Variants in ADAMTSL1 observed in about 807,000 individuals in gnomAD.
ADAMTSL1 encodes ADAMTS-like protein 1.
ADAMTSL1 carries 126 observed loss-of-function variants against 201.8 expected under a neutral mutation model. The observed-to-expected ratio is 0.62, with a 90% confidence interval of 0.54 to 0.72. ADAMTSL1 has a LOEUF of 0.72. Among genes scored for constraint, ADAMTSL1 ranks in the 30% least tolerant of loss-of-function variants. The probability of loss-of-function intolerance (pLI) is 0.00; values close to 1 mark genes in which losing one functional copy is unlikely to be tolerated. For synonymous variants in ADAMTSL1, 1,121 were observed against 903.4 expected (o/e 1.24, Z -4.32); for missense variants, 2,679 against 2,277.8 (o/e 1.18, Z -3.59).
intron 2 of ADAMTSL1, among the ~76,000 whole-genome samples, chr9:18,457,618 G>T (rs561310744): frequency 2.4e-4 from 36 of 152,294 alleles, no homozygotes; most frequent in South Asian, 8.3e-4. Flanking sequence ...ATAGGCATAA[G>T]CCTCTGCACC....
At chr9:18,210,083 C>T (rs1368329007) in intron 2 of ADAMTSL1, among the ~76,000 whole-genome samples, 2 of 151,938 alleles carry the variant, frequency 1.3e-5, no homozygotes, top group Admixed American at 6.6e-5. Flanking sequence ...GTTTCTGATG[C>T]CTTCCTTTTC....
intron 2 of ADAMTSL1, among the ~76,000 whole-genome samples, chr9:18,258,065 A>T (rs1831761314): frequency 6.6e-6 from 1 of 152,236 alleles, no homozygotes; most frequent in Non-Finnish European, 1.5e-5. Flanking sequence ...AACAATGTGA[A>T]TGAACGTACG....
intron 4 of ADAMTSL1, among the ~76,000 whole-genome samples, chr9:18,619,442 T>C (rs1587720306): frequency 1.3e-5 from 2 of 152,118 alleles, no homozygotes; most frequent in East Asian, 3.9e-4. Context: ...CAGGGAGATG[T>C]TAGTCTTTTA....
At chr9:18,897,033 C>G (rs1829684332) in intron 26 of ADAMTSL1, among the ~76,000 whole-genome samples, 1 of 152,208 alleles carries the variant, frequency 6.6e-6, no homozygotes, top group African/African-American at 2.4e-5. Context: ...CTTAGGTCAA[C>G]CCAGCTGTTC....
chr9:18,328,860 G>T (rs1480278807), intron 2 of ADAMTSL1, among the ~76,000 whole-genome samples: 1 of 152,136 alleles, frequency 6.6e-6, no homozygotes, highest in African/African-American at 2.4e-5. Context: ...AGAAATGACA[G>T]GATGTCCCCA....
chr9:18,000,265 T>C (rs1487955917), intron 1 of ADAMTSL1, among the ~76,000 whole-genome samples: 1 of 150,430 alleles, frequency 6.6e-6, no homozygotes, highest in Non-Finnish European at 1.5e-5. Context: ...CTCCAGCACC[T>C]GTTGTTTCCT....
At chr9:17,926,254 T>G (rs1447012823) in intron 1 of ADAMTSL1, among the ~76,000 whole-genome samples, 1 of 152,204 alleles carries the variant, frequency 6.6e-6, no homozygotes, top group Admixed American at 6.5e-5. Flanking sequence ...GCTTATTTAT[T>G]GGTATAAGAT....
intron 4 of ADAMTSL1, among the ~76,000 whole-genome samples, chr9:18,606,267 T>C (rs1323369894): frequency 6.6e-6 from 1 of 152,190 alleles, no homozygotes; most frequent in Non-Finnish European, 1.5e-5. Flanking sequence ...AAGGGGGTTG[T>C]TTTCATATTA....
At chr9:18,506,920 T>C (rs1184723924) in intron 2 of ADAMTSL1, among the ~76,000 whole-genome samples, 1 of 152,160 alleles carries the variant, frequency 6.6e-6, no homozygotes, top group Non-Finnish European at 1.5e-5. Flanking sequence ...AAAGAAATAT[T>C]AGTTTCTTAA....
chr9:18,590,533 C>T (rs1823840234), intron 4 of ADAMTSL1, among the ~76,000 whole-genome samples: 2 of 151,892 alleles, frequency 1.3e-5, no homozygotes, highest in Admixed American at 1.3e-4. Context: ...CTCACATCTT[C>T]AGTATTTATT....
rs144800914 is a variant in ADAMTSL1, at chr9:18,732,188, C to A, written c.2006+10523C>A. ...TATGCAGGAAACCATATGATATAGACCTTCATAATAATTTTATACTCACCG... is the reference window on the plus strand; with the variant it reads ...TATGCAGGAAACCATATGATATAGAACTTCATAATAATTTTATACTCACCG... On this transcript the variant is annotated intron_variant, in intron 15 of 28. Transcript: ENST00000380548. Among the ~76,000 whole-genome samples the A allele has an allele frequency of 2.4e-4, 36 of 152,310 alleles. 1 individual carries two copies. In the East Asian group the frequency reaches 2.7e-3, roughly 11 times the overall value.
At chr9:18,726,888 G>A (rs973827556) in intron 15 of ADAMTSL1, among the ~76,000 whole-genome samples, 1 of 152,178 alleles carries the variant, frequency 6.6e-6, no homozygotes, top group Non-Finnish European at 1.5e-5. Flanking sequence ...CTTGGTTTCT[G>A]CCCTCCCCCT....
rs552392963 is a variant in ADAMTSL1, at chr9:18,108,783, T to TC, written c.88-55078dup. 1.1e-3 allele frequency among the ~76,000 whole-genome samples: 162 copies of TC among 152,256 alleles called. No individual in the cohort carries two copies. In the Middle Eastern group the frequency reaches 0.024, roughly 22 times the overall value. On this transcript the variant is annotated intron_variant, in intron 1 of 29. Transcript: ENST00000680146. ...GATGAGAGAATTAGCTCTTTTTTTTTCTCCTTTTTCAATGTGTAATTATTT... is the reference window on the plus strand; with the variant it reads ...GATGAGAGAATTAGCTCTTTTTTTTTCCTCCTTTTTCAATGTGTAATTATTT...
At chr9:18,234,535 C>T (rs966547513) in intron 2 of ADAMTSL1, among the ~76,000 whole-genome samples, 1 of 152,084 alleles carries the variant, frequency 6.6e-6, no homozygotes, top group African/African-American at 2.4e-5. Flanking sequence ...ATGACTTGTA[C>T]TATTAATAAA....
chr9:18,092,117 T>C (rs1824048806), intron 1 of ADAMTSL1, among the ~76,000 whole-genome samples: 1 of 152,110 alleles, frequency 6.6e-6, no homozygotes, highest in South Asian at 2.1e-4. Flanking sequence ...TCAAAAAATG[T>C]TTGCTTGGCA....
intron 7 of ADAMTSL1, 46 bp downstream of exon 7, chr9:18,639,457 A>G (rs702206): frequency 0.044 from 69,161 of 1,585,116 alleles, 2,314 homozygotes; most frequent in African/African-American, 0.17. Flanking sequence ...ATCCCAAATG[A>G]TGTTACTTAT....
intron 2 of ADAMTSL1, among the ~76,000 whole-genome samples, chr9:18,431,725 A>G (rs1483868583): frequency 6.6e-6 from 1 of 152,106 alleles, no homozygotes; most frequent in Non-Finnish European, 1.5e-5. Context: ...TGAAGTCAAC[A>G]GCCCCATTCT....
intron 7 of ADAMTSL1, among the ~76,000 whole-genome samples, chr9:18,644,664 T>C (rs1827672808): frequency 6.6e-6 from 1 of 151,964 alleles, no homozygotes; most frequent in African/African-American, 2.4e-5. Context: ...TGCGATAGTT[T>C]ACTGAGAATG....
At position 18,344,426 on chromosome 9, in the gene ADAMTSL1, T is replaced by G. The variant is rs537600285; in HGVS notation, c.208-160403T>G. On this transcript the variant is annotated intron_variant, in intron 2 of 29. Coordinates refer to the ADAMTSL1 transcript ENST00000680146. The stretch of plus-strand genomic sequence containing the variant: ...TCTGCCTCTGCGTTCCAAAGCACTG[T>G]TTTTTGTTTTTTCATTAGGGGCACC... Among the ~76,000 whole-genome samples the G allele has an allele frequency of 3.3e-5, 5 of 152,134 alleles. No individual in the cohort carries two copies. In the South Asian group the frequency reaches 8.3e-4, roughly 25 times the overall value.
Sources: allele counts gnomAD v4.1 joint callset (sites outside exome capture counted in the v4.1 genomes callset), GRCh38; gene constraint gnomAD v4.1.1; transcripts MANE v1.5; gene names NCBI Gene and HGNC (gene_info 2026-07-23, HGNC 2026-07-21).